RGS6: variants seen among roughly 807,000 people sequenced by gnomAD.
RGS6 encodes regulator of G-protein signaling 6.
Under a neutral mutation model 78.5 loss-of-function variants are expected in RGS6, and 30 were observed. The ratio of observed to expected loss-of-function variants is 0.38; its 90% CI spans 0.29 to 0.52. RGS6 has a LOEUF of 0.52. RGS6 is among the 20% of genes least tolerant of loss of function. RGS6 has a pLI of 0.85. For synonymous variants in RGS6, 206 were observed against 206.0 expected, an observed-to-expected ratio of 1.00 and a Z score of 0.00; for missense variants, 495 against 609.7, an observed-to-expected ratio of 0.81 and a Z score of 1.98.
At chr14:72,576,051 T>C in the RGS6 span, among the ~76,000 whole-genome samples, 1 of 152,360 alleles carries the variant, frequency 6.6e-6, no homozygotes, top group East Asian at 1.9e-4. Flanking sequence ...TGCAGCCATT[T>C]GGTTTTTCAG....
chr14:72,611,373 G>T, the RGS6 span, among the ~76,000 whole-genome samples: 1 of 152,232 alleles, frequency 6.6e-6, no homozygotes, highest in Non-Finnish European at 1.5e-5. Context: ...CCTGGCCAAA[G>T]GTGAGCATGG....
At position 72,191,974 on chromosome 14, in the gene RGS6, G is replaced by A. The variant is rs573826528; in HGVS notation, c.85-160121G>A. ...CTGCTAGGTGTCCTCAGGGTGGTGCGTGGGGGTCGTTAGTGTTTGTCCTTA... is the reference window on the plus strand; with the variant it reads ...CTGCTAGGTGTCCTCAGGGTGGTGCATGGGGGTCGTTAGTGTTTGTCCTTA... On this transcript the variant is annotated intron_variant, in intron 2 of 17. Transcript: ENST00000553525. 1.9e-4 allele frequency among the ~76,000 whole-genome samples: 29 copies of A among 152,272 alleles called. No homozygotes were observed. In the South Asian group the frequency reaches 3.1e-3, roughly 16 times the overall value.
intron 16 of RGS6, chr14:72,537,800 C>G (rs2097270362): frequency 2.1e-6 from 1 of 471,994 alleles, no homozygotes; most frequent in Non-Finnish European, 3.8e-6. Flanking sequence ...GGTAGTTTAA[C>G]CAGTCTAGGC....
intron 2 of RGS6, among the ~76,000 whole-genome samples, chr14:72,095,052 A>G (rs746604043): frequency 5.3e-5 from 8 of 152,056 alleles, no homozygotes; most frequent in Non-Finnish European, 8.8e-5. Context: ...TATTTAAATG[A>G]CAGGTCCTTT....
At chr14:72,268,627 C>A (rs1328688634) in intron 2 of RGS6, among the ~76,000 whole-genome samples, 1 of 152,224 alleles carries the variant, frequency 6.6e-6, no homozygotes, top group Admixed American at 6.5e-5. Flanking sequence ...TCACCAGTTA[C>A]TATAAGCTAC....
rs375212923 is a variant in RGS6, at chr14:72,562,497, C to T, written c.*30C>T. The T allele has an allele frequency of 6.8e-6, 11 of 1,609,922 alleles. No individual in the cohort carries two copies. The highest frequency in any genetic ancestry group is 8.5e-6 in the Non-Finnish European group (10 of 1,179,910). On this transcript the variant is annotated 3_prime_UTR_variant, in exon 18 of 18. Coordinates refer to ENST00000553525, the MANE Select transcript of RGS6 (RefSeq NM_001204424.2). ...TCCTACCGCAGGTCCAGGGCCTGGGCCCGCGGACCCCACAGGCAGGCGGCG... is the reference window on the plus strand; with the variant it reads ...TCCTACCGCAGGTCCAGGGCCTGGGTCCGCGGACCCCACAGGCAGGCGGCG...
intron 2 of RGS6, among the ~76,000 whole-genome samples, chr14:72,064,738 T>G (rs1050193787): frequency 1.3e-5 from 2 of 152,240 alleles, no homozygotes; most frequent in Non-Finnish European, 2.9e-5. Flanking sequence ...AAAAGAAGCT[T>G]TTGAGAGATC....
intron 2 of RGS6, among the ~76,000 whole-genome samples, chr14:72,266,912 C>A (rs888713277): frequency 6.6e-6 from 1 of 152,194 alleles, no homozygotes; most frequent in South Asian, 2.1e-4. Flanking sequence ...TGGTGGCCTG[C>A]AGGCTGACCC....
chr14:72,181,764 A>T (rs2097176041), intron 2 of RGS6, among the ~76,000 whole-genome samples: 1 of 152,164 alleles, frequency 6.6e-6, no homozygotes, highest in African/African-American at 2.4e-5. Flanking sequence ...TAATAACATG[A>T]GGGTTTTTAG....
At chr14:72,252,407 C>A (rs1381742450) in intron 2 of RGS6, among the ~76,000 whole-genome samples, 1 of 152,194 alleles carries the variant, frequency 6.6e-6, no homozygotes, top group African/African-American at 2.4e-5. Flanking sequence ...GGGAGACATA[C>A]AGATTAACAG....
chr14:72,067,761 C>A lies in RGS6; in HGVS notation c.84+102886C>A, dbSNP rs189664553. Among the ~76,000 whole-genome samples the A allele has an allele frequency of 5.9e-5, 9 of 152,234 alleles. No homozygotes were observed. In the East Asian group the frequency reaches 1.7e-3, roughly 29 times the overall value. ...CAGCTAGCTTGTAGGTCTGGCCTTG[C>A]TTTTCTTTAGATTATATTTCCCTTA... On this transcript the variant is annotated intron_variant, in intron 2 of 17. Transcript: ENST00000553525.
rs538482236 is a variant in RGS6 at position 72,195,172 on chromosome 14, C to T, written c.85-156923C>T. ...GCAGTGAGCCGAGATCGCACCACTG[C>T]ACTCCGGCCTGGGCGACAGAGTGAA... is the stretch of plus-strand genomic sequence containing the variant. On this transcript the variant is annotated intron_variant, in intron 2 of 17. Transcript: ENST00000553525. 2.0e-5 allele frequency among the ~76,000 whole-genome samples: 3 copies of T among 151,902 alleles called. 1 individual carries two copies. The South Asian group carries it at 6.2e-4, about 32-fold the overall frequency.
chr14:72,451,612 T>C (rs2095495251), intron 3 of RGS6, among the ~76,000 whole-genome samples: 1 of 152,130 alleles, frequency 6.6e-6, no homozygotes, highest in Non-Finnish European at 1.5e-5. Flanking sequence ...GGGCTGTCAT[T>C]GTCCCAGGGT....
intron 2 of RGS6, among the ~76,000 whole-genome samples, chr14:72,123,725 G>A (rs1053965224): frequency 3.0e-4 from 45 of 152,270 alleles, no homozygotes; most frequent in Admixed American, 1.8e-3. Flanking sequence ...ATTATTTTCC[G>A]AAGTCTGACC....
chr14:72,499,260 T>A (rs2096686640), intron 13 of RGS6, among the ~76,000 whole-genome samples: 1 of 152,242 alleles, frequency 6.6e-6, no homozygotes, highest in Admixed American at 6.5e-5. Flanking sequence ...GTTTTTTCTC[T>A]GTGTGTGTGC....
the RGS6 span, among the ~76,000 whole-genome samples, chr14:72,574,933 A>G: frequency 1.3e-5 from 2 of 152,084 alleles, no homozygotes; most frequent in African/African-American, 2.4e-5. Flanking sequence ...AGAGGGAAAG[A>G]TTTGTGTGAT....
chr14:72,237,669 C>A lies in RGS6; in HGVS notation c.85-114426C>A, dbSNP rs184709173. Among the ~76,000 whole-genome samples, 472 of 152,252 alleles carry A rather than the reference C, an allele frequency of 3.1e-3. 1 individual carries two copies. Among genetic ancestry groups the A allele is most frequent in the African/African-American group, 0.011 (455 of 41,552 alleles). On this transcript the variant is annotated intron_variant, in intron 2 of 17. Coordinates refer to ENST00000553525, the MANE Select transcript of RGS6 (RefSeq NM_001204424.2). ...TGAGACGGGAGAGTTCCCTTGACCCCTTTGCAGGACTTGTGAAAGGGGTGT... is the reference window on the plus strand; with the variant it reads ...TGAGACGGGAGAGTTCCCTTGACCCATTTGCAGGACTTGTGAAAGGGGTGT...
intron 2 of RGS6, among the ~76,000 whole-genome samples, chr14:72,193,213 C>T (rs143603446): frequency 0.013 from 1,919 of 152,246 alleles, 38 homozygotes; most frequent in African/African-American, 0.042. Flanking sequence ...AGGCTGGTCT[C>T]GAACTCCTGA....
At position 71,969,762 on chromosome 14, in the gene RGS6, G is replaced by A. The variant is rs556453180; in HGVS notation, c.84+4887G>A. Among the ~76,000 whole-genome samples the A allele has an allele frequency of 3.9e-4, 59 of 152,198 alleles. 1 individual carries two copies. The highest frequency in any genetic ancestry group is 1.4e-3 in the African/African-American group (57 of 41,528). On this transcript the variant is annotated intron_variant, in intron 2 of 17. Transcript: ENST00000553525. ...CTTAATAAATAAAATGTAATACTTT[G>A]GCCTCATTTCCCCTTCTGTAAAGGG...
Sources: gnomAD v4.1 joint callset for allele counts (sites outside exome capture counted in the v4.1 genomes callset) on GRCh38, gnomAD v4.1.1 for gene constraint, MANE v1.5 for transcripts, NCBI Gene and HGNC (gene_info 2026-07-23, HGNC 2026-07-21) for gene names.